The following ADAMTSL3 variants were observed in gnomAD, a reference collection of about 807,000 sequenced individuals.
ADAMTSL3 encodes the protein ADAMTS-like protein 3.
A neutral mutation model predicts 201.7 loss-of-function variants in ADAMTSL3; 128 were observed. That is an observed-to-expected ratio of 0.63 (90% confidence interval 0.55 to 0.73). The LOEUF (loss-of-function observed/expected upper bound fraction) is 0.73. Among genes scored for constraint, ADAMTSL3 ranks in the 30% least tolerant of loss-of-function variants. The probability of loss-of-function intolerance (pLI) is 0.00; values close to 1 mark genes in which losing one functional copy is unlikely to be tolerated. For missense variants in ADAMTSL3, 1,990 were observed against 2,119.6 expected (o/e 0.94, Z 1.20); for synonymous variants, 738 against 748.4 (o/e 0.99, Z 0.23).
intron 23 of ADAMTSL3, among the ~76,000 whole-genome samples, chr15:83,995,208 G>A (rs1283759762): frequency 3.3e-5 from 5 of 152,114 alleles, no homozygotes; most frequent in Admixed American, 2.6e-4. Flanking sequence ...CCAGGAGCAG[G>A]GACACTGAGT....
chr15:84,007,164 T>A (rs1395593882), intron 23 of ADAMTSL3, among the ~76,000 whole-genome samples: 1 of 152,174 alleles, frequency 6.6e-6, no homozygotes, highest in Non-Finnish European at 1.5e-5. Flanking sequence ...ACTTTGTCAG[T>A]TTGTTCTGAG....
chr15:83,718,605 T>G (rs962484759), intron 3 of ADAMTSL3, among the ~76,000 whole-genome samples: 8 of 150,524 alleles, frequency 5.3e-5, no homozygotes, highest in African/African-American at 2.0e-4. Context: ...ACACAAGAAC[T>G]GCTTGAACCC....
chr15:84,016,564 T>C, intron 25 of ADAMTSL3, 65 bp downstream of exon 25: 1 of 1,314,280 alleles, frequency 7.6e-7, no homozygotes, highest in Non-Finnish European at 1.1e-6. Flanking sequence ...AGGATTTAGC[T>C]AAAAGACCAT....
intron 23 of ADAMTSL3, among the ~76,000 whole-genome samples, chr15:84,008,327 G>A (rs532815195): frequency 3.9e-5 from 6 of 152,194 alleles, no homozygotes; most frequent in South Asian, 4.1e-4. Flanking sequence ...ACTCCTGACC[G>A]CAGGTGATCT....
chr15:83,819,275 A>C (rs1266166621), intron 5 of ADAMTSL3, among the ~76,000 whole-genome samples: 2 of 151,826 alleles, frequency 1.3e-5, no homozygotes, highest in African/African-American at 2.4e-5. Flanking sequence ...AAAAAAAAAA[A>C]AAAAAAACAA....
At chr15:83,867,021 G>A (rs2064993582) in intron 8 of ADAMTSL3, among the ~76,000 whole-genome samples, 2 of 152,100 alleles carry the variant, frequency 1.3e-5, no homozygotes, top group South Asian at 4.1e-4. Flanking sequence ...CATTTACTAA[G>A]GACTTAGTTA....
chr15:83,722,448 A>G (rs2062114217), intron 3 of ADAMTSL3, among the ~76,000 whole-genome samples: 1 of 152,222 alleles, frequency 6.6e-6, no homozygotes, highest in Non-Finnish European at 1.5e-5. Context: ...TTTTGATTTC[A>G]AAAAATGGAA....
Position 83,894,793 on chromosome 15 carries a change from TA to T in ADAMTSL3, c.1467+1907del, listed in dbSNP as rs564229987. ...TTTAAAATATTCCTCTGAATTGAGT[TA>T]ATTTTAATACACAGTCAAAATAACA... On this transcript the variant is annotated intron_variant, in intron 13 of 29. Coordinates refer to ENST00000286744, the MANE Select transcript of ADAMTSL3 (RefSeq NM_207517.3). Among the ~76,000 whole-genome samples the T allele has an allele frequency of 3.0e-4, 45 of 150,342 alleles. 1 individual carries two copies. Among genetic ancestry groups the T allele is most frequent in the Admixed American group, 8.7e-4 (13 of 14,892 alleles).
intron 20 of ADAMTSL3, among the ~76,000 whole-genome samples, chr15:83,980,942 T>A (rs1165252040): frequency 6.6e-6 from 1 of 152,224 alleles, no homozygotes; most frequent in Admixed American, 6.5e-5. Flanking sequence ...GAAGTCTCAA[T>A]CTGCTTCTTC....
chr15:84,033,828 G>A (rs564846810), intron 28 of ADAMTSL3, among the ~76,000 whole-genome samples: 1 of 152,220 alleles, frequency 6.6e-6, no homozygotes, highest in South Asian at 2.1e-4. Flanking sequence ...CAAAAAATAA[G>A]AGGCAGAAAA....
At chr15:83,828,863 G>C (rs532051862) in intron 6 of ADAMTSL3, among the ~76,000 whole-genome samples, 7 of 152,148 alleles carry the variant, frequency 4.6e-5, no homozygotes, top group Admixed American at 1.3e-4. Context: ...GCCTTGCATA[G>C]CAGGGATGAA....
At chr15:83,760,033 T>A (rs531408633) in intron 3 of ADAMTSL3, among the ~76,000 whole-genome samples, 1 of 152,270 alleles carries the variant, frequency 6.6e-6, no homozygotes, top group East Asian at 1.9e-4. Context: ...CTCTTGCTTA[T>A]ATTTTTGTTT....
chr15:83,867,600 C>T (rs1405993700), intron 8 of ADAMTSL3, among the ~76,000 whole-genome samples: 1 of 152,160 alleles, frequency 6.6e-6, no homozygotes, highest in Non-Finnish European at 1.5e-5. Context: ...GGATGCAGTA[C>T]CTGATGACCA....
In ADAMTSL3 at chr15:83,738,423, G is replaced by T. The variant is rs138983007; in HGVS notation, c.189+33915G>T. ...GTCACTTACACTTTTTAAATTAGAT[G>T]GCAGTATACCATATTTTGAACCTTC... On this transcript the variant is annotated intron_variant, in intron 3 of 29. Coordinates refer to ENST00000286744, the MANE Select transcript of ADAMTSL3 (RefSeq NM_207517.3). Among the ~76,000 whole-genome samples the T allele has an allele frequency of 3.6e-3, 550 of 152,174 alleles. 2 individuals are homozygous for T. Among genetic ancestry groups the T allele is most frequent in the African/African-American group, 0.013 (526 of 41,524 alleles).
intron 2 of ADAMTSL3, among the ~76,000 whole-genome samples, chr15:83,671,811 C>T (rs1304589581): frequency 1.3e-5 from 2 of 152,160 alleles, no homozygotes; most frequent in East Asian, 3.9e-4. Flanking sequence ...AGGAGCTCTG[C>T]CAACAAATGC....
chr15:83,911,319 G>A (rs1392746701), intron 15 of ADAMTSL3, among the ~76,000 whole-genome samples: 1 of 152,140 alleles, frequency 6.6e-6, no homozygotes, highest in Non-Finnish European at 1.5e-5. Flanking sequence ...TATATAGATA[G>A]TGTATGTTAT....
intron 26 of ADAMTSL3, among the ~76,000 whole-genome samples, chr15:84,024,916 C>T (rs553529311): frequency 6.6e-6 from 1 of 152,304 alleles, no homozygotes; most frequent in East Asian, 1.9e-4. Context: ...GTGAGTTGAA[C>T]TCCACCTTTT....
Position 83,884,338 on chromosome 15 carries a change from C to CCTTTTTTTTTTTTTTTTTTTT in ADAMTSL3, c.961-763_961-762insCTTTTTTTTTTTTTTTTTTTT, listed in dbSNP as rs1305026027. On this transcript the variant is annotated intron_variant, in intron 9 of 29. Coordinates refer to ENST00000286744, the MANE Select transcript of ADAMTSL3 (RefSeq NM_207517.3). ...TGTTACCTCATTGGTGCCCTATTTC[C>CCTTTTTTTTTTTTTTTTTTTT]TTTTTTTTTTTTTTTTTTTTTTGAG... Among the ~76,000 whole-genome samples the CCTTTTTTTTTTTTTTTTTTTT allele has an allele frequency of 3.5e-5, 4 of 114,486 alleles. 2 individuals carry two copies. The highest frequency in any genetic ancestry group is 6.9e-5 in the African/African-American group (2 of 28,892). The allele number at this position is 114,486 out of a possible 152,430, so 75.1% of individuals were successfully genotyped here.
intron 25 of ADAMTSL3, among the ~76,000 whole-genome samples, chr15:84,016,879 C>T (rs2068096116): frequency 6.6e-6 from 1 of 152,006 alleles, no homozygotes; most frequent in African/African-American, 2.4e-5. Context: ...CATAGTTTTC[C>T]ATACACACCA....
Sources: allele counts gnomAD v4.1 joint callset (sites outside exome capture counted in the v4.1 genomes callset), GRCh38; gene constraint gnomAD v4.1.1; transcripts MANE v1.5; gene names NCBI Gene and HGNC (gene_info 2026-07-23, HGNC 2026-07-21).